Variants in ANKFY1 observed in about 807,000 individuals in gnomAD.
ANKFY1 encodes the protein ankyrin repeat and FYVE domain containing 1, also known as ankyrin repeat and FYVE domain-containing protein 1.
Under a neutral mutation model 128.3 loss-of-function variants are expected in ANKFY1, and 47 were observed. That is an observed-to-expected ratio of 0.37 (90% CI 0.29 to 0.47). The LOEUF (loss-of-function observed/expected upper bound fraction) is 0.47, where lower values mean the gene tolerates loss of function less well. Ranked by LOEUF, ANKFY1 falls within the 20% of genes least tolerant of loss-of-function variation. ANKFY1 has a pLI of 1.00. For synonymous variants in ANKFY1, 553 were observed against 601.6 expected, an observed-to-expected ratio of 0.92 and a Z score of 1.18; for missense variants, 1,222 against 1,510.6, an observed-to-expected ratio of 0.81 and a Z score of 3.17.
intron 3 of ANKFY1, among the ~76,000 whole-genome samples, chr17:4,229,709 G>C (rs1400304534): frequency 6.6e-6 from 1 of 152,216 alleles, no homozygotes; most frequent in Non-Finnish European, 1.5e-5. Context: ...AGCTCTGAGA[G>C]AATCTTTGGG....
chr17:4,205,502 G>A (rs1227570364), intron 7 of ANKFY1, among the ~76,000 whole-genome samples: 4 of 152,092 alleles, frequency 2.6e-5, no homozygotes, highest in Admixed American at 2.0e-4. Context: ...CAGCACTTTG[G>A]GAGGCCAAGG....
At chr17:4,262,159 T>C (rs547984507) in intron 1 of ANKFY1, among the ~76,000 whole-genome samples, 133 of 152,180 alleles carry the variant, frequency 8.7e-4, no homozygotes, top group African/African-American at 3.2e-3. Flanking sequence ...TGACCTAGTC[T>C]CTCTCTTTTT....
intron 4 of ANKFY1, chr17:4,216,694 G>C: frequency 2.5e-6 from 1 of 402,084 alleles, no homozygotes; most frequent in Admixed American, 3.5e-5. Flanking sequence ...AAAGCTGAAA[G>C]TTTGGACATT....
intron 10 of ANKFY1, chr17:4,191,449 C>G (rs2059715819): frequency 1.3e-5 from 2 of 150,124 alleles, no homozygotes; most frequent in Admixed American, 1.3e-4. Context: ...GATGGTTACT[C>G]TAATCTGGAG....
At chr17:4,202,655 C>CCACT (rs2059952313) in intron 7 of ANKFY1, among the ~76,000 whole-genome samples, 1 of 139,366 alleles carries the variant, frequency 7.2e-6, no homozygotes. Context: ...CGAGATTGTG[C>CCACT]CACTGCACTT....
In ANKFY1 at chr17:4,202,453, C is replaced by T. The variant is rs1386200388; in HGVS notation, c.898+3868G>A. Among the ~76,000 whole-genome samples the T allele has an allele frequency of 1.2e-4, 18 of 149,850 alleles. No homozygotes were observed. In the South Asian group the frequency reaches 3.8e-3, roughly 31 times the overall value. On this transcript the variant is annotated intron_variant, in intron 7 of 24. Transcript: ENST00000341657. Reference sequence around the variant, plus strand: ...GTGGCTCACGCCTGTAATCCCATCACTTTGGGAGGCCGAGACGGGCGGATC... The same window carrying T: ...GTGGCTCACGCCTGTAATCCCATCATTTTGGGAGGCCGAGACGGGCGGATC...
intron 3 of ANKFY1, among the ~76,000 whole-genome samples, chr17:4,235,011 T>A (rs1424037584): frequency 6.6e-6 from 1 of 152,178 alleles, no homozygotes; most frequent in Non-Finnish European, 1.5e-5. Flanking sequence ...TTGTTATTCT[T>A]CAGAGTAACT....
At chr17:4,218,017 CAAATAA>C (rs1372174286) in intron 3 of ANKFY1, among the ~76,000 whole-genome samples, 1 of 151,910 alleles carries the variant, frequency 6.6e-6, no homozygotes, top group Non-Finnish European at 1.5e-5. Context: ...AAAGACCTTA[CAAATAA>C]AAATAAAAAG....
chr17:4,209,534 C>T (rs2060088669), intron 5 of ANKFY1, among the ~76,000 whole-genome samples: 1 of 152,196 alleles, frequency 6.6e-6, no homozygotes, highest in South Asian at 2.1e-4. Flanking sequence ...CTCCTGACCT[C>T]AAGTGGTCTG....
At chr17:4,231,132 G>A (rs1447233316) in intron 3 of ANKFY1, among the ~76,000 whole-genome samples, 1 of 152,136 alleles carries the variant, frequency 6.6e-6, no homozygotes, top group African/African-American at 2.4e-5. Flanking sequence ...TGATTATTTT[G>A]AGAAATGTCC....
At chr17:4,184,582 ACTACCAGCTTAAC>A (rs1196888941) in intron 12 of ANKFY1, among the ~76,000 whole-genome samples, 1 of 152,230 alleles carries the variant, frequency 6.6e-6, no homozygotes, top group Non-Finnish European at 1.5e-5. Context: ...GACAGACATT[ACTACCAGCTTAAC>A]CTAACAAATG....
At chr17:4,236,708 ATG>A (rs1198341856) in intron 2 of ANKFY1, among the ~76,000 whole-genome samples, 1 of 152,042 alleles carries the variant, frequency 6.6e-6, no homozygotes, top group Non-Finnish European at 1.5e-5. Context: ...TTGTAGTTAT[ATG>A]TTTTATTTTC....
At chr17:4,235,333 T>A (rs1289048977) in intron 3 of ANKFY1, among the ~76,000 whole-genome samples, 5 of 100,490 alleles carry the variant, frequency 5.0e-5, no homozygotes, top group Non-Finnish European at 1.1e-4. Flanking sequence ...AGAGTGAGAC[T>A]CTGTCTCAAA....
intron 1 of ANKFY1, among the ~76,000 whole-genome samples, chr17:4,260,381 C>T (rs1335668539): frequency 6.6e-6 from 1 of 152,070 alleles, no homozygotes; most frequent in Non-Finnish European, 1.5e-5. Context: ...CTTCAGGAGG[C>T]CCAGGCAGGT....
intron 10 of ANKFY1, chr17:4,191,184 T>G (rs1182779982): frequency 6.6e-6 from 1 of 152,270 alleles, no homozygotes; most frequent in Non-Finnish European, 1.5e-5. Context: ...TTTGCTTTCA[T>G]ACCATGTTTT....
rs958407049 is a variant in ANKFY1, at chr17:4,166,241, A to G, written c.*1538T>C. On this transcript the variant is annotated 3_prime_UTR_variant, in exon 25 of 25. Coordinates refer to ENST00000341657, the MANE Select transcript of ANKFY1 (RefSeq NM_001330063.2). Reference sequence around the variant, plus strand: ...GTATAAATCTACCGCAATACAGAGGACACACTATCCAGAAAAGAATGAACA... The same window carrying G: ...GTATAAATCTACCGCAATACAGAGGGCACACTATCCAGAAAAGAATGAACA... 6.6e-6 allele frequency: 1 copy of G among 152,234 alleles called. No homozygotes were observed. Among genetic ancestry groups the G allele is most frequent in the African/African-American group, 2.4e-5 (1 of 41,458 alleles). 9.4% of individuals were successfully genotyped at this position (152,234 alleles called of 1,614,324 possible). A position where few individuals can be genotyped will look rare whatever the true frequency, so the allele number is the denominator to read the frequency against.
At chr17:4,179,679 C>G (rs1316105274) in intron 17 of ANKFY1, 42 bp downstream of exon 17, 1 of 1,603,426 alleles carries the variant, frequency 6.2e-7, no homozygotes, top group Admixed American at 1.7e-5. Flanking sequence ...TTCCCTCATG[C>G]TGGGGCTACA....
intron 18 of ANKFY1, 100 bp from the exon 19 acceptor site, chr17:4,177,402 A>T: frequency 2.8e-6 from 3 of 1,087,388 alleles, no homozygotes; most frequent in Non-Finnish European, 3.9e-6. Flanking sequence ...GTCACGATGG[A>T]GACCTTCCCT....
chr17:4,210,099 G>C, intron 4 of ANKFY1, 152 bp from the exon 5 acceptor site: 1 of 552,650 alleles, frequency 1.8e-6, no homozygotes, highest in Non-Finnish European at 3.0e-6. Context: ...AATTACAGTT[G>C]GTCTCCCATA....
Sources: gnomAD v4.1 joint callset for allele counts (sites outside exome capture counted in the v4.1 genomes callset) on GRCh38, gnomAD v4.1.1 for gene constraint, MANE v1.5 for transcripts, NCBI Gene and HGNC (gene_info 2026-07-23, HGNC 2026-07-21) for gene names.